GAK: variants seen among roughly 807,000 people sequenced by gnomAD.
GAK encodes the protein cyclin G associated kinase.
A neutral mutation model predicts 143.9 loss-of-function variants in GAK; 79 were observed. The ratio of observed to expected loss-of-function variants is 0.55; its 90% confidence interval spans 0.46 to 0.66. GAK has a LOEUF of 0.66. GAK is among the 30% of genes least tolerant of loss of function. The probability of loss-of-function intolerance (pLI) is 0.00; values close to 1 mark genes in which losing one functional copy is unlikely to be tolerated. For synonymous variants in GAK, 881 were observed against 765.5 expected (o/e 1.15, Z -2.49); for missense variants, 1,693 against 1,779.7 (o/e 0.95, Z 0.88).
rs368383726 is a variant in GAK, at chr4:904,648, T to G, written c.514A>C (p.Arg172=). The G allele has an allele frequency of 5.6e-6, 9 of 1,596,010 alleles. No homozygotes were observed. The Admixed American group carries it at 1.2e-4, about 21-fold the overall frequency. ...MHRQKPPIIH[R]DLKVENLLLS... ...GAGGGAGCCACTACCTTGAGGTCCC[T>G]GTGGATGATGGGCGGCTTCTGCCGG... Residue 172 remains arginine, a synonymous_variant, in exon 5 of 28, where the codon AGG becomes CGG. Coordinates refer to ENST00000314167, the MANE Select transcript of GAK (RefSeq NM_005255.4).
chr4:922,284 G>C (rs1724034244), intron 1 of GAK, among the ~76,000 whole-genome samples: 1 of 152,110 alleles, frequency 6.6e-6, no homozygotes, highest in African/African-American at 2.4e-5. Flanking sequence ...GGAGGCCGAG[G>C]CGGGCAGATC....
In GAK at chr4:877,220, T is replaced by C. The variant is rs751797108; in HGVS notation, c.1857-13A>G. 53 of 1,585,258 alleles carry C rather than the reference T, an allele frequency of 3.3e-5. No individual in the cohort carries two copies. The highest frequency in any genetic ancestry group is 4.5e-5 in the Non-Finnish European group (52 of 1,155,426). ...AATCTTAAAGTCCCTAAGGACAGAATGACAAGAGAAAAATTTTAAAAACCC... is the reference window on the plus strand; with the variant it reads ...AATCTTAAAGTCCCTAAGGACAGAACGACAAGAGAAAAATTTTAAAAACCC... On this transcript the variant is annotated splice_polypyrimidine_tract_variant and intron_variant, in intron 16 of 27. Transcript: ENST00000314167.
chr4:890,571 G>A lies in GAK; in HGVS notation c.1042C>T (p.Pro348Ser), dbSNP rs1717435391. The A allele has an allele frequency of 6.2e-7, 1 of 1,611,356 alleles. No homozygotes were observed. The highest frequency in any genetic ancestry group is 8.5e-7 in the Non-Finnish European group (1 of 1,179,342). ...YGSATLSRGP[P>S]PPVGPAGSGY... is the part of the protein sequence containing the mutation. ...CTGCCAGCGGGGCCCACGGGAGGGG[G>A]TGGCCCTCGGGACAGTGTGGCGCTC... is the stretch of plus-strand genomic sequence containing the variant. The change falls in exon 10 of 28, where the codon CCC becomes TCC. Residue 348 changes from proline (P) to serine (S), a missense_variant. Around this residue, in one of 2 missense-constraint regions of GAK, gnomAD observed 871 missense variants for 991.0 expected, o/e 0.88. Coordinates refer to ENST00000314167, the MANE Select transcript of GAK (RefSeq NM_005255.4).
At chr4:891,275 T>C (rs556583314) in intron 9 of GAK, among the ~76,000 whole-genome samples, 3 of 151,482 alleles carry the variant, frequency 2.0e-5, no homozygotes, top group South Asian at 4.1e-4. Context: ...TTTCTTTTTT[T>C]TTTTTTTGAA....
rs1713898017 is a variant in GAK at position 876,448 on chromosome 4, G to A, written c.2054+82C>T. 1.1e-5 allele frequency: 14 copies of A among 1,226,788 alleles called. No individual in the cohort carries two copies. The South Asian group carries it at 1.7e-4, about 15-fold the overall frequency. The allele number at this position is 1,226,788 out of a possible 1,614,324, so 76.0% of individuals were successfully genotyped here. A position where few individuals can be genotyped will look rare whatever the true frequency, so the allele number is the denominator to read the frequency against. On this transcript the variant is annotated intron_variant, in intron 18 of 27. Coordinates refer to ENST00000314167, the MANE Select transcript of GAK (RefSeq NM_005255.4). ...CACACAGCCCGCCACTCCCCCTGGG[G>A]CTCCCACGACCGGCCCACATGCAGG...
In GAK at chr4:898,153, C is replaced by T. The variant is rs994471187; in HGVS notation, c.531G>A (p.Glu177=). Reference sequence around the variant, plus strand: ...TCCCTTGGTTACTAAGCAACAAGTTCTCAACCTGTAAAATTCCACAAGACA... The same window carrying T: ...TCCCTTGGTTACTAAGCAACAAGTTTTCAACCTGTAAAATTCCACAAGACA... The part of the protein sequence containing the change: ...PPIIHRDLKV[E]NLLLSNQGTI... The change falls in exon 6 of 28, where the codon GAG becomes GAA. Residue 177 remains glutamate (E), a synonymous_variant. Transcript: ENST00000314167. 6.2e-7 allele frequency: 1 copy of T among 1,613,938 alleles called. No individual in the cohort carries two copies. Among genetic ancestry groups the T allele is most frequent in the African/African-American group, 1.3e-5 (1 of 74,954 alleles).
At position 856,413 on chromosome 4, in the gene GAK, AC is replaced by A. The variant is rs1419176640; in HGVS notation, c.3283+3192del. 1.8e-4 allele frequency among the ~76,000 whole-genome samples: 23 copies of A among 127,902 alleles called. 1 individual carries two copies. Among genetic ancestry groups the A allele is most frequent in the Admixed American group, 8.6e-4 (11 of 12,764 alleles). 83.9% of individuals were successfully genotyped at this position (127,902 alleles called of 152,430 possible). On this transcript the variant is annotated intron_variant, in intron 24 of 27. Transcript: ENST00000314167. The stretch of plus-strand genomic sequence containing the variant: ...CACCTGCTCACCACCACAGCTGCTC[AC>A]CACAGCTGCTCACACCTGCTCACCA...
At chr4:890,434 G>A (rs1205085826) in intron 10 of GAK, 98 bp downstream of exon 10, 8 of 852,456 alleles carry the variant, frequency 9.4e-6, no homozygotes, top group South Asian at 3.6e-5. Flanking sequence ...AGGAGGCCCC[G>A]GGAGAGAAGG....
intron 1 of GAK, among the ~76,000 whole-genome samples, chr4:919,913 G>A (rs559165511): frequency 6.6e-6 from 1 of 152,330 alleles, no homozygotes; most frequent in South Asian, 2.1e-4. Flanking sequence ...AGCTTAGGGA[G>A]GCTGAGGCAG....
intron 4 of GAK, among the ~76,000 whole-genome samples, chr4:909,976 C>T (rs1336420156): frequency 1.3e-5 from 2 of 152,068 alleles, no homozygotes; most frequent in African/African-American, 4.8e-5. Context: ...AGCACCCATC[C>T]GCCACCCACG....
At chr4:866,672 T>A in intron 21 of GAK, 138 bp from the exon 22 acceptor site, 1 of 934,104 alleles carries the variant, frequency 1.1e-6, no homozygotes, top group Non-Finnish European at 1.6e-6. Context: ...GCAGGGGCAC[T>A]GAGGCAGTCA....
At position 884,182 on chromosome 4, in the gene GAK, G is replaced by A. The variant is rs1715769119; in HGVS notation, c.1206-96C>T. 5 of 1,095,382 alleles carry A rather than the reference G, an allele frequency of 4.6e-6. No individual in the cohort carries two copies. In the Admixed American group the frequency reaches 7.5e-5, roughly 16 times the overall value. The allele number at this position is 1,095,382 out of a possible 1,614,324, so 67.9% of individuals were successfully genotyped here. A position where few individuals can be genotyped will look rare whatever the true frequency, so the allele number is the denominator to read the frequency against. On this transcript the variant is annotated intron_variant, in intron 11 of 27. Coordinates refer to ENST00000314167, the MANE Select transcript of GAK (RefSeq NM_005255.4). ...AGAGCCCGAGGCCTGGAGAAGCCGT[G>A]GGGCTCTCACTGTAGAGGCCGCATC...
At chr4:912,313 C>T in intron 3 of GAK, 1 of 386,356 alleles carries the variant, frequency 2.6e-6, no homozygotes, top group East Asian at 7.2e-5. Context: ...CCCAGTCATG[C>T]TGGGACAGCC....
At chr4:928,044 C>T (rs995703644) in intron 1 of GAK, among the ~76,000 whole-genome samples, 2 of 152,152 alleles carry the variant, frequency 1.3e-5, no homozygotes, top group African/African-American at 2.4e-5. Flanking sequence ...AAGGCTGGCT[C>T]GCCACAGCAA....
At chr4:859,424 G>C (rs1260226087) in intron 24 of GAK, 182 bp downstream of exon 24, 1 of 1,560,058 alleles carries the variant, frequency 6.4e-7, no homozygotes, top group South Asian at 1.1e-5. Context: ...TAGCTTGCCA[G>C]TTGGCAGTCG....
intron 1 of GAK, among the ~76,000 whole-genome samples, chr4:924,885 T>A (rs1724465472): frequency 6.8e-6 from 1 of 147,524 alleles, no homozygotes; most frequent in East Asian, 2.0e-4. Flanking sequence ...TCTGATTGGG[T>A]TGTGGTGGTG....
intron 5 of GAK, among the ~76,000 whole-genome samples, chr4:898,804 A>G (rs1719303880): frequency 1.3e-5 from 2 of 152,210 alleles, no homozygotes; most frequent in African/African-American, 4.8e-5. Context: ...CGGAGGCTGC[A>G]GTGAACCGAG....
intron 24 of GAK, among the ~76,000 whole-genome samples, chr4:857,364 G>A (rs1253514200): frequency 6.6e-6 from 1 of 152,170 alleles, no homozygotes; most frequent in African/African-American, 2.4e-5. Flanking sequence ...CGTCTCTCCT[G>A]CTTCCTGTGA....
intron 27 of GAK, 26 bp from the exon 28 acceptor site, chr4:849,800 C>T (rs1274079746): frequency 6.2e-7 from 1 of 1,603,678 alleles, no homozygotes; most frequent in South Asian, 1.1e-5. Flanking sequence ...GGTGTAAGCG[C>T]CTCTTATAAG....
Sources: gnomAD v4.1 joint callset for allele counts (sites outside exome capture counted in the v4.1 genomes callset) on GRCh38, gnomAD v4.1.1 for gene constraint, gnomAD v4.1.1 regional missense constraint, MANE v1.5 for transcripts, NCBI Gene and HGNC (gene_info 2026-07-23, HGNC 2026-07-21) for gene names.